EYA2: variants seen among roughly 807,000 people sequenced by gnomAD.
EYA2 encodes the protein EYA transcriptional coactivator and phosphatase 2.
A neutral mutation model predicts 69.2 loss-of-function variants in EYA2; 31 were observed. The ratio of observed to expected loss-of-function variants is 0.45; its 90% CI spans 0.34 to 0.60. EYA2 has a LOEUF of 0.60. Ranked by LOEUF, EYA2 falls within the 20% of genes least tolerant of loss-of-function variation. EYA2 has a pLI of 0.02. For synonymous variants in EYA2, 257 were observed against 279.4 expected (o/e 0.92, Z 0.80); for missense variants, 622 against 701.2 (o/e 0.89, Z 1.28).
chr20:46,983,113 C>T (rs778335762), intron 1 of EYA2, among the ~76,000 whole-genome samples: 63 of 152,104 alleles, frequency 4.1e-4, no homozygotes, highest in Non-Finnish European at 4.4e-4. Flanking sequence ...TTTTTAGCAG[C>T]ATTCTCATCT....
intron 15 of EYA2, among the ~76,000 whole-genome samples, chr20:47,186,711 C>A (rs1004818078): frequency 1.4e-4 from 21 of 152,248 alleles, no homozygotes; most frequent in Non-Finnish European, 2.2e-4. Context: ...TCCCCTGAGA[C>A]ACCCCCATCC....
At position 46,987,935 on chromosome 20, in the gene EYA2, T is replaced by A. The variant is rs1315250038; in HGVS notation, c.-10-2066T>A. 5.1e-4 allele frequency among the ~76,000 whole-genome samples: 18 copies of A among 35,318 alleles called. 2 individuals are homozygous for A. The highest frequency in any genetic ancestry group is 1.8e-3 in the African/African-American group (14 of 7,672). 23.2% of individuals were successfully genotyped at this position (35,318 alleles called of 152,430 possible). On this transcript the variant is annotated intron_variant, in intron 1 of 15. Coordinates refer to ENST00000327619, the MANE Select transcript of EYA2 (RefSeq NM_005244.5). ...GAGTAAGTCTCTCTCTCTCTCTCTC[T>A]CTCTCTCTCTCTCTCTCTCTCTCTC...
At chr20:47,089,509 C>A in intron 8 of EYA2, 128 bp downstream of exon 8, 2 of 1,113,044 alleles carry the variant, frequency 1.8e-6, no homozygotes, top group Non-Finnish European at 2.5e-6. Context: ...AAAGCATGAG[C>A]AGGGAAGCAT....
intron 7 of EYA2, among the ~76,000 whole-genome samples, chr20:47,076,535 A>AT (rs1044725517): frequency 1.1e-4 from 16 of 152,212 alleles, no homozygotes; most frequent in Non-Finnish European, 2.4e-4. Context: ...TCCTTTGCCC[A>AT]TTTTTTAATC....
In EYA2 at chr20:47,016,162, T is replaced by C. The variant is rs550862358; in HGVS notation, c.299-19T>C. On this transcript the variant is annotated intron_variant, in intron 4 of 15. Transcript: ENST00000327619. ...ATCATGTGTCCTTGGTCCTTTTTTT[T>C]CCCCCTCTTCCTTCAAAGGCATCAA... 2.3e-5 allele frequency: 37 copies of C among 1,581,354 alleles called. No individual in the cohort carries two copies. The highest frequency in any genetic ancestry group is 8.9e-5 in the South Asian group (8 of 90,378).
At chr20:47,127,294 G>A (rs2033216441) in intron 9 of EYA2, among the ~76,000 whole-genome samples, 1 of 152,084 alleles carries the variant, frequency 6.6e-6, no homozygotes, top group African/African-American at 2.4e-5. Flanking sequence ...TACTTATTAT[G>A]CAAGTTTCCT....
chr20:47,097,390 C>T (rs1600706745), intron 9 of EYA2, among the ~76,000 whole-genome samples: 1 of 152,284 alleles, frequency 6.6e-6, no homozygotes, highest in East Asian at 1.9e-4. Flanking sequence ...TTTCTTCCAA[C>T]GTTTGAAGCA....
intron 9 of EYA2, among the ~76,000 whole-genome samples, chr20:47,131,315 C>A (rs1295621129): frequency 6.6e-6 from 1 of 152,176 alleles, no homozygotes; most frequent in Non-Finnish European, 1.5e-5. Context: ...TCAACTATTA[C>A]AACGAACAAA....
At chr20:47,070,827 A>G (rs563055608) in intron 5 of EYA2, among the ~76,000 whole-genome samples, 1 of 152,254 alleles carries the variant, frequency 6.6e-6, no homozygotes, top group African/African-American at 2.4e-5. Context: ...AATTTTTTAA[A>G]TAAATAATTT....
At chr20:47,185,358 T>C (rs1294827925) in intron 15 of EYA2, among the ~76,000 whole-genome samples, 4 of 141,280 alleles carry the variant, frequency 2.8e-5, no homozygotes, top group Non-Finnish European at 6.0e-5. Context: ...TGGAGTGCAG[T>C]AGCATGATCT....
intron 1 of EYA2, among the ~76,000 whole-genome samples, chr20:46,933,074 G>A (rs1391093240): frequency 6.6e-6 from 1 of 152,144 alleles, no homozygotes; most frequent in Non-Finnish European, 1.5e-5. Flanking sequence ...TACTGTCTCA[G>A]GTATATCTTT....
chr20:46,922,316 T>C lies in EYA2; in HGVS notation c.-11+27329T>C, dbSNP rs562243781. On this transcript the variant is annotated intron_variant, in intron 1 of 15. Coordinates refer to ENST00000327619, the MANE Select transcript of EYA2 (RefSeq NM_005244.5). ...ATGGTAATTTTAGGTGCCTAGAAAATCTCTGGTAGATAAGAGAGGAAATAG... is the reference window on the plus strand; with the variant it reads ...ATGGTAATTTTAGGTGCCTAGAAAACCTCTGGTAGATAAGAGAGGAAATAG... Among the ~76,000 whole-genome samples the C allele has an allele frequency of 2.6e-5, 4 of 152,136 alleles. No individual in the cohort carries two copies. In the South Asian group the frequency reaches 8.3e-4, roughly 32 times the overall value.
intron 5 of EYA2, among the ~76,000 whole-genome samples, chr20:47,058,895 G>A (rs894495294): frequency 2.0e-5 from 3 of 152,178 alleles, no homozygotes; most frequent in Non-Finnish European, 4.4e-5. Context: ...ACATGGGTGG[G>A]TCTTAACAAC....
chr20:47,166,917 C>T (rs1411998269), intron 10 of EYA2: 8 of 153,090 alleles, frequency 5.2e-5, no homozygotes, highest in African/African-American at 7.2e-5. Flanking sequence ...GAACCAGTAC[C>T]GCAGGGGCTG....
At chr20:46,928,580 C>G (rs746527578) in intron 1 of EYA2, among the ~76,000 whole-genome samples, 12 of 152,174 alleles carry the variant, frequency 7.9e-5, no homozygotes, top group Non-Finnish European at 1.6e-4. Flanking sequence ...GAAGTTGAAG[C>G]CAAGTCTGTT....
At chr20:46,956,280 T>A (rs1347839203) in intron 1 of EYA2, among the ~76,000 whole-genome samples, 1 of 152,278 alleles carries the variant, frequency 6.6e-6, no homozygotes, top group Non-Finnish European at 1.5e-5. Flanking sequence ...TAACCCCTAC[T>A]TATTGTTTTT....
At chr20:47,035,766 G>C (rs546485855) in intron 5 of EYA2, among the ~76,000 whole-genome samples, 1 of 152,012 alleles carries the variant, frequency 6.6e-6, no homozygotes, top group East Asian at 1.9e-4. Flanking sequence ...CTGTAACTTT[G>C]GGAAACGGAG....
intron 1 of EYA2, among the ~76,000 whole-genome samples, chr20:46,954,632 A>G (rs1480593748): frequency 1.3e-5 from 2 of 152,224 alleles, no homozygotes; most frequent in African/African-American, 4.8e-5. Flanking sequence ...AGCAGCAACA[A>G]CATAAACAGA....
intron 12 of EYA2, among the ~76,000 whole-genome samples, chr20:47,175,116 C>G (rs1183786100): frequency 6.6e-6 from 1 of 152,222 alleles, no homozygotes; most frequent in Non-Finnish European, 1.5e-5. Flanking sequence ...GGAGAGCACC[C>G]AAGGCGTCAG....
Sources: gnomAD v4.1 joint callset for allele counts (sites outside exome capture counted in the v4.1 genomes callset) on GRCh38, gnomAD v4.1.1 for gene constraint, MANE v1.5 for transcripts, NCBI Gene and HGNC (gene_info 2026-07-23, HGNC 2026-07-21) for gene names.